TAFA5: variants seen among roughly 807,000 people sequenced by gnomAD.
TAFA5 encodes the protein TAFA chemokine like family member 5, also known as chemokine-like protein TAFA-5.
In TAFA5, 6 loss-of-function variants were observed where a neutral mutation model predicts 15.3. That is an observed-to-expected ratio of 0.39 (90% confidence interval 0.21 to 0.77). The LOEUF (loss-of-function observed/expected upper bound fraction) is 0.77. Ranked by LOEUF, TAFA5 falls within the 30% of genes least tolerant of loss-of-function variation. The pLI is 0.41. For missense variants in TAFA5, 161 were observed against 193.1 expected, an observed-to-expected ratio of 0.83 and a Z score of 0.98; for synonymous variants, 103 against 80.7, an observed-to-expected ratio of 1.28 and a Z score of -1.48.
intron 1 of TAFA5, among the ~76,000 whole-genome samples, chr22:48,613,235 A>T (rs1408036261): frequency 6.6e-6 from 1 of 152,058 alleles, no homozygotes; most frequent in Non-Finnish European, 1.5e-5. Context: ...CCTCTCTTCA[A>T]CACAGGTCCT....
rs1923190652 is a variant in TAFA5 at position 48,560,475 on chromosome 22, G to A, written c.112+70771G>A. Among the ~76,000 whole-genome samples the A allele has an allele frequency of 6.6e-6, 1 of 152,218 alleles. No homozygotes were observed. Among genetic ancestry groups the A allele is most frequent in the Non-Finnish European group, 1.5e-5 (1 of 68,038 alleles). ...GCCCGGGCAAGGACAGTGCCAGCAG[G>A]CGCCCCCAGTGTGAACTAATGTGAG... On this transcript the variant is annotated intron_variant, in intron 1 of 3. Transcript: ENST00000402357. This position sits in a 1 kb window ranked among gnomAD's most constrained non-coding sequence, Gnocchi z 4.2.
chr22:48,550,051 A>C lies in TAFA5; in HGVS notation c.112+60347A>C, dbSNP rs1225580389. ...GAGAAACCGAGTCACAGAGTGTTTC[A>C]GTAACTGAGAACATTAAGTGACTCG... On this transcript the variant is annotated intron_variant, in intron 1 of 3. Coordinates refer to ENST00000402357, the MANE Select transcript of TAFA5 (RefSeq NM_001082967.3). The surrounding 1 kb of genome is among the most constrained non-coding windows in gnomAD (Gnocchi z 4.1). 6.6e-6 allele frequency among the ~76,000 whole-genome samples: 1 copy of C among 152,218 alleles called. No homozygotes were observed. The highest frequency in any genetic ancestry group is 1.5e-5 in the Non-Finnish European group (1 of 68,034).
intron 1 of TAFA5, among the ~76,000 whole-genome samples, chr22:48,622,636 T>C (rs1925880949): frequency 2.0e-5 from 3 of 152,162 alleles, no homozygotes; most frequent in East Asian, 1.9e-4. Flanking sequence ...AGTTACACCA[T>C]GGAGGGAGTC....
At chr22:48,614,221 C>T (rs945468250) in intron 1 of TAFA5, among the ~76,000 whole-genome samples, 7 of 152,236 alleles carry the variant, frequency 4.6e-5, no homozygotes, top group African/African-American at 1.7e-4. Context: ...CTCACCCCAA[C>T]TCTTCATTGT....
chr22:48,585,769 C>G (rs1924333518), intron 1 of TAFA5, among the ~76,000 whole-genome samples: 1 of 151,724 alleles, frequency 6.6e-6, no homozygotes. Context: ...AATACGCATA[C>G]CACACACACA....
chr22:48,747,819 C>T (rs1363545503), intron 3 of TAFA5, among the ~76,000 whole-genome samples: 3 of 148,380 alleles, frequency 2.0e-5, no homozygotes, highest in Non-Finnish European at 4.4e-5. Flanking sequence ...ATCACTTGAA[C>T]GGGGGAGGCA....
intron 1 of TAFA5, among the ~76,000 whole-genome samples, chr22:48,570,114 T>C (rs1212120394): frequency 2.6e-5 from 4 of 152,218 alleles, no homozygotes; most frequent in Non-Finnish European, 4.4e-5. Flanking sequence ...CTGCCCTGCC[T>C]TCCGGTCCAC....
intron 3 of TAFA5, among the ~76,000 whole-genome samples, chr22:48,725,851 C>T (rs1034668977): frequency 4.6e-5 from 7 of 151,998 alleles, no homozygotes; most frequent in Admixed American, 1.3e-4. Context: ...CTCAATGGCT[C>T]CAGCAGAAGG....
chr22:48,501,748 C>T (rs561885177), intron 1 of TAFA5, among the ~76,000 whole-genome samples: 41 of 152,270 alleles, frequency 2.7e-4, no homozygotes, highest in Non-Finnish European at 4.3e-4. Context: ...AGGGGTGTGG[C>T]GGAGTGAGGG....
At chr22:48,728,025 A>G (rs1220756841) in intron 3 of TAFA5, among the ~76,000 whole-genome samples, 2 of 152,246 alleles carry the variant, frequency 1.3e-5, no homozygotes, top group African/African-American at 4.8e-5. Flanking sequence ...AACACCACCA[A>G]TAACAACAAC....
chr22:48,497,294 G>A (rs1928364407), intron 1 of TAFA5, among the ~76,000 whole-genome samples: 1 of 152,198 alleles, frequency 6.6e-6, no homozygotes, highest in South Asian at 2.1e-4. Context: ...CGGTCCCACG[G>A]GGCCCGGCAG....
At chr22:48,537,079 C>T (rs780257675) in intron 1 of TAFA5, among the ~76,000 whole-genome samples, 18 of 152,206 alleles carry the variant, frequency 1.2e-4, no homozygotes, top group Non-Finnish European at 1.9e-4. Context: ...AAAACCCCCT[C>T]GGCCTCCCGG....
intron 1 of TAFA5, among the ~76,000 whole-genome samples, chr22:48,583,809 CCACAT>C (rs1924205058): frequency 4.0e-5 from 6 of 149,088 alleles, no homozygotes; most frequent in East Asian, 2.0e-4. Context: ...ACACAACACA[CCACAT>C]ACAAAATACA....
chr22:48,616,788 G>A lies in TAFA5; in HGVS notation c.113-29809G>A, dbSNP rs543982379. On this transcript the variant is annotated intron_variant, in intron 1 of 3. Coordinates refer to ENST00000402357, the MANE Select transcript of TAFA5 (RefSeq NM_001082967.3). ...AGGGAACAGGGAGTTGCCCAGCTCC[G>A]AAGGCTGCGTGGCTCTGGGCTCGGC... Among the ~76,000 whole-genome samples, 9 of 152,336 alleles carry A rather than the reference G, an allele frequency of 5.9e-5. No individual in the cohort carries two copies. The East Asian group carries it at 7.7e-4, about 13-fold the overall frequency.
chr22:48,682,416 C>A (rs1248656982), intron 2 of TAFA5, among the ~76,000 whole-genome samples: 1 of 152,222 alleles, frequency 6.6e-6, no homozygotes, highest in African/African-American at 2.4e-5. Context: ...ACCCAGAGCC[C>A]CCTGAAGTTG....
intron 1 of TAFA5, among the ~76,000 whole-genome samples, chr22:48,537,904 G>T (rs1000509076): frequency 6.6e-6 from 1 of 152,226 alleles, no homozygotes; most frequent in African/African-American, 2.4e-5. Context: ...TAGGGTCAGG[G>T]TGAGGGGGTG....
chr22:48,693,424 G>A, intron 2 of TAFA5: 1 of 1,611,092 alleles, frequency 6.2e-7, no homozygotes, highest in Non-Finnish European at 8.5e-7. Context: ...GCCCGTGCAG[G>A]CAGTAAAGGA....
At chr22:48,573,600 A>G (rs1317546659) in intron 1 of TAFA5, among the ~76,000 whole-genome samples, 3 of 152,208 alleles carry the variant, frequency 2.0e-5, no homozygotes, top group Non-Finnish European at 2.9e-5. Context: ...GCAATGCCAC[A>G]TGCATTTACT....
At chr22:48,546,846 G>C in intron 1 of TAFA5, 1 of 297,368 alleles carries the variant, frequency 3.4e-6, no homozygotes. Flanking sequence ...CCTCTCGTGC[G>C]GGGAGGACGA....
Sources: allele counts gnomAD v4.1 joint callset (sites outside exome capture counted in the v4.1 genomes callset), GRCh38; gene constraint gnomAD v4.1.1; non-coding constraint Gnocchi (gnomAD v3.1); transcripts MANE v1.5; gene names NCBI Gene and HGNC (gene_info 2026-07-23, HGNC 2026-07-21).